PTPN11: variants seen among roughly 807,000 people sequenced by gnomAD.
The protein encoded by PTPN11 is protein tyrosine phosphatase non-receptor type 11.
Under a neutral mutation model 78.8 loss-of-function variants are expected in PTPN11, and 6 were observed. The ratio of observed to expected loss-of-function variants is 0.08; its 90% CI spans 0.04 to 0.15. The LOEUF (loss-of-function observed/expected upper bound fraction) is 0.15. PTPN11 is among the 10% of genes least tolerant of loss of function. The pLI, the probability that PTPN11 is intolerant of heterozygous loss-of-function variation, is 1.00. For missense variants in PTPN11, 386 were observed against 744.8 expected, an observed-to-expected ratio of 0.52 and a Z score of 5.61; for synonymous variants, 221 against 263.5, an observed-to-expected ratio of 0.84 and a Z score of 1.56.
At chr12:112,469,187 C>G (rs1047575034) in intron 6 of PTPN11, among the ~76,000 whole-genome samples, 1 of 152,036 alleles carries the variant, frequency 6.6e-6, no homozygotes, top group Non-Finnish European at 1.5e-5. Context: ...CAAAGTATTC[C>G]CTTTGTGTTG....
At chr12:112,448,793 T>C (rs1270210762) in intron 2 of PTPN11, among the ~76,000 whole-genome samples, 1 of 152,232 alleles carries the variant, frequency 6.6e-6, no homozygotes, top group Non-Finnish European at 1.5e-5. Flanking sequence ...AGTAACCTTT[T>C]GCATATATTG....
intron 1 of PTPN11, among the ~76,000 whole-genome samples, chr12:112,430,631 T>C (rs2037698905): frequency 6.6e-6 from 1 of 151,382 alleles, no homozygotes; most frequent in Admixed American, 6.6e-5. Flanking sequence ...AGAGATGAGG[T>C]CTCACTATGT....
intron 2 of PTPN11, among the ~76,000 whole-genome samples, chr12:112,447,629 G>T (rs1036242939): frequency 6.7e-6 from 1 of 150,252 alleles, no homozygotes; most frequent in African/African-American, 2.5e-5. Flanking sequence ...CCTCCGGAGT[G>T]GCTGGGATTA....
At chr12:112,452,583 G>A (rs751941890) in intron 3 of PTPN11, among the ~76,000 whole-genome samples, 6 of 151,686 alleles carry the variant, frequency 4.0e-5, no homozygotes, top group Non-Finnish European at 8.8e-5. Flanking sequence ...GCTGGAGTGC[G>A]GTGGCATGAT....
chr12:112,428,131 T>C (rs1056563027), intron 1 of PTPN11, among the ~76,000 whole-genome samples: 4 of 152,216 alleles, frequency 2.6e-5, no homozygotes, highest in Non-Finnish European at 5.9e-5. Flanking sequence ...TATATACATG[T>C]TGAGGACTGG....
intron 10 of PTPN11, among the ~76,000 whole-genome samples, chr12:112,484,940 A>G (rs953874456): frequency 6.6e-6 from 1 of 152,074 alleles, no homozygotes; most frequent in African/African-American, 2.4e-5. Flanking sequence ...AAAAAAGAGA[A>G]AAGTGTCCTT....
At chr12:112,435,194 A>AT (rs1459416635) in intron 1 of PTPN11, among the ~76,000 whole-genome samples, 1 of 151,360 alleles carries the variant, frequency 6.6e-6, no homozygotes, top group South Asian at 2.1e-4. Context: ...CAATTTTTTA[A>AT]TTTTTTGTAG....
At chr12:112,458,209 T>A (rs1377845897) in intron 6 of PTPN11, among the ~76,000 whole-genome samples, 18 of 152,154 alleles carry the variant, frequency 1.2e-4, no homozygotes, top group Admixed American at 3.9e-4. Flanking sequence ...TGTTTTGTTT[T>A]GTTTTGTTTT....
intron 6 of PTPN11, among the ~76,000 whole-genome samples, chr12:112,469,885 C>T (rs2038387229): frequency 6.6e-6 from 1 of 151,870 alleles, no homozygotes; most frequent in Non-Finnish European, 1.5e-5. Context: ...AAACAAATGA[C>T]ATAAGAGGTG....
At chr12:112,437,283 A>G (rs978212757) in intron 1 of PTPN11, among the ~76,000 whole-genome samples, 9 of 151,760 alleles carry the variant, frequency 5.9e-5, no homozygotes, top group African/African-American at 2.2e-4. Context: ...TCGGCCTCCC[A>G]AGTAGCTGGG....
At chr12:112,453,838 T>C (rs1359472513) in intron 4 of PTPN11, among the ~76,000 whole-genome samples, 2 of 151,826 alleles carry the variant, frequency 1.3e-5, no homozygotes, top group Non-Finnish European at 2.9e-5. Context: ...TTTGTGGAGA[T>C]GGTGTTTTGC....
chr12:112,449,656 G>A (rs1247294967), intron 2 of PTPN11, among the ~76,000 whole-genome samples: 5 of 152,104 alleles, frequency 3.3e-5, no homozygotes, highest in Non-Finnish European at 5.9e-5. Context: ...AAAACAAAAT[G>A]TTTTTCTATT....
chr12:112,471,693 C>T (rs1216387483), intron 6 of PTPN11, among the ~76,000 whole-genome samples: 1 of 149,944 alleles, frequency 6.7e-6, no homozygotes, highest in Non-Finnish European at 1.5e-5. Context: ...AAGAAAAGGA[C>T]TTCATAATCC....
intron 6 of PTPN11, among the ~76,000 whole-genome samples, chr12:112,469,019 A>C (rs566309191): frequency 6.6e-6 from 1 of 152,264 alleles, no homozygotes; most frequent in Non-Finnish European, 1.5e-5. Flanking sequence ...AGCTATGATC[A>C]TACCACTGCA....
intron 8 of PTPN11, 31 bp downstream of exon 8, chr12:112,477,761 C>T (rs2038529701): frequency 6.2e-7 from 1 of 1,604,572 alleles, no homozygotes; most frequent in Middle Eastern, 1.7e-4. Context: ...TGTTTTCTGA[C>T]CATACATTTC....
intron 6 of PTPN11, chr12:112,457,252 C>T (rs991951930): frequency 5.0e-6 from 2 of 403,806 alleles, no homozygotes; most frequent in South Asian, 3.4e-5. Flanking sequence ...TCCCTGTGTC[C>T]ATGTGTTCTC....
intron 7 of PTPN11, among the ~76,000 whole-genome samples, chr12:112,477,119 C>T (rs371803268): frequency 3.9e-5 from 6 of 152,018 alleles, no homozygotes; most frequent in Non-Finnish European, 8.8e-5. Flanking sequence ...CGGGTTCAAG[C>T]GATTTTTGTA....
chr12:112,456,140 G>A, intron 6 of PTPN11, 77 bp downstream of exon 6: 1 of 958,746 alleles, frequency 1.0e-6, no homozygotes, highest in East Asian at 2.6e-5. Flanking sequence ...TCTTGTGTTT[G>A]GAATTGGACC....
intron 1 of PTPN11, among the ~76,000 whole-genome samples, chr12:112,421,029 T>G (rs2037515963): frequency 6.6e-6 from 1 of 152,140 alleles, no homozygotes; most frequent in Non-Finnish European, 1.5e-5. Context: ...GACCCTACAT[T>G]GTCCAGTTTG....
Sources: allele counts gnomAD v4.1 joint callset (sites outside exome capture counted in the v4.1 genomes callset), GRCh38; gene constraint gnomAD v4.1.1; transcripts MANE v1.5; gene names NCBI Gene and HGNC (gene_info 2026-07-23, HGNC 2026-07-21).